The following PTPRG variants were observed in gnomAD, a reference collection of about 807,000 sequenced individuals.
PTPRG encodes the protein protein tyrosine phosphatase receptor type G.
Under a neutral mutation model 165.3 loss-of-function variants are expected in PTPRG, and 102 were observed. That is an observed-to-expected ratio of 0.62 (90% CI 0.53 to 0.73). PTPRG has a LOEUF of 0.73. Ranked by LOEUF, PTPRG falls within the 30% of genes least tolerant of loss-of-function variation. The probability of loss-of-function intolerance (pLI) is 0.00; values close to 1 mark genes in which losing one functional copy is unlikely to be tolerated. For missense variants in PTPRG, 1,866 were observed against 1,861.4 expected (o/e 1.00, Z -0.05); for synonymous variants, 675 against 669.5 (o/e 1.01, Z -0.13).
At chr3:61,908,215 C>T (rs1200052832) in intron 2 of PTPRG, among the ~76,000 whole-genome samples, 1 of 148,838 alleles carries the variant, frequency 6.7e-6, no homozygotes, top group East Asian at 2.0e-4. Flanking sequence ...CACTTGAGGT[C>T]AGGAGTTCGA....
At chr3:61,927,149 C>T (rs1224958271) in intron 2 of PTPRG, among the ~76,000 whole-genome samples, 1 of 152,136 alleles carries the variant, frequency 6.6e-6, no homozygotes, top group African/African-American at 2.4e-5. Context: ...TTGTTCTGTT[C>T]ATTTGATCTT....
chr3:62,003,322 T>C (rs745574653), intron 3 of PTPRG, 27 bp from the exon 4 acceptor site: 1 of 1,591,332 alleles, frequency 6.3e-7, no homozygotes, highest in Non-Finnish European at 8.5e-7. Context: ...CACTTTGTTT[T>C]CCTCTCTTCT....
chr3:62,071,393 T>G (rs571357662), intron 4 of PTPRG, among the ~76,000 whole-genome samples: 11 of 152,272 alleles, frequency 7.2e-5, no homozygotes, highest in Admixed American at 4.6e-4. Flanking sequence ...GGAGCTGACT[T>G]AGGCACACAA....
intron 2 of PTPRG, among the ~76,000 whole-genome samples, chr3:61,828,065 G>A (rs2107281570): frequency 6.6e-6 from 1 of 152,240 alleles, no homozygotes; most frequent in South Asian, 2.1e-4. Flanking sequence ...ACAGTAATTA[G>A]TTTTTGTTTT....
At chr3:61,726,042 G>A (rs1354011873) in intron 1 of PTPRG, among the ~76,000 whole-genome samples, 1 of 152,186 alleles carries the variant, frequency 6.6e-6, no homozygotes, top group Non-Finnish European at 1.5e-5. Flanking sequence ...AGAGCCAGAA[G>A]CTTATGACTG....
At position 62,243,805 on chromosome 3, in the gene PTPRG, A is replaced by G; in HGVS notation, c.2376-2A>G. On this transcript the variant is annotated splice_acceptor_variant, in intron 14 of 29. Coordinates refer to ENST00000474889, the MANE Select transcript of PTPRG (RefSeq NM_002841.4). LOFTEE classifies it high-confidence loss of function. The stretch of plus-strand genomic sequence containing the variant: ...TGACATGTTTTTCTCTTTTCTACAC[A>G]GAAAATGTTTTCAGACTGCTCATTT... 6.4e-7 allele frequency: 1 copy of G among 1,565,860 alleles called. No homozygotes were observed. Among genetic ancestry groups the G allele is most frequent in the Non-Finnish European group, 8.8e-7 (1 of 1,141,008 alleles).
At chr3:62,153,387 G>A (rs1704413114) in intron 6 of PTPRG, among the ~76,000 whole-genome samples, 1 of 152,230 alleles carries the variant, frequency 6.6e-6, no homozygotes, top group African/African-American at 2.4e-5. Flanking sequence ...GATGATGGAA[G>A]TAGCTCAGAG....
chr3:61,590,326 A>G (rs904202955), intron 1 of PTPRG, among the ~76,000 whole-genome samples: 1 of 151,996 alleles, frequency 6.6e-6, no homozygotes, highest in Non-Finnish European at 1.5e-5. Context: ...GTTCAAGACG[A>G]CCCTGGCCAA....
chr3:62,122,606 G>C (rs532621989), intron 5 of PTPRG, among the ~76,000 whole-genome samples: 114 of 152,296 alleles, frequency 7.5e-4, no homozygotes, highest in African/African-American at 2.6e-3. Flanking sequence ...CTTAGGTTCT[G>C]TGCTGCAATT....
chr3:62,050,579 G>C (rs763488867), intron 4 of PTPRG, among the ~76,000 whole-genome samples: 24 of 152,188 alleles, frequency 1.6e-4, no homozygotes, highest in Non-Finnish European at 3.2e-4. Context: ...TTTTAAATAA[G>C]GAAGTTGAGA....
chr3:62,183,957 A>G (rs1481214926), intron 8 of PTPRG, among the ~76,000 whole-genome samples: 1 of 152,202 alleles, frequency 6.6e-6, no homozygotes, highest in Non-Finnish European at 1.5e-5. Context: ...CGGGACGTGT[A>G]TGGGGCAAGT....
At chr3:61,799,755 C>G (rs2035176113) in intron 2 of PTPRG, among the ~76,000 whole-genome samples, 1 of 152,222 alleles carries the variant, frequency 6.6e-6, no homozygotes, top group Non-Finnish European at 1.5e-5. Context: ...CCCCACCATA[C>G]TGTACTCCTT....
chr3:61,705,591 A>G (rs918441828), intron 1 of PTPRG, among the ~76,000 whole-genome samples: 1 of 152,336 alleles, frequency 6.6e-6, no homozygotes, highest in East Asian at 1.9e-4. Context: ...GGAGGTGTAT[A>G]ACTGTGCAAT....
intron 1 of PTPRG, among the ~76,000 whole-genome samples, chr3:61,653,418 A>G (rs1236750053): frequency 6.6e-6 from 1 of 151,792 alleles, no homozygotes; most frequent in Non-Finnish European, 1.5e-5. Flanking sequence ...TAAATGGGCC[A>G]GTGTCTACTT....
intron 2 of PTPRG, among the ~76,000 whole-genome samples, chr3:61,932,425 G>C (rs1422877374): frequency 6.6e-6 from 1 of 152,166 alleles, no homozygotes; most frequent in East Asian, 1.9e-4. Context: ...ACATGTAGGA[G>C]ACTATGAATA....
chr3:61,708,905 C>G (rs1021391646), intron 1 of PTPRG, among the ~76,000 whole-genome samples: 4 of 152,210 alleles, frequency 2.6e-5, no homozygotes, highest in Admixed American at 2.0e-4. Context: ...TTGCCCTAAA[C>G]CAAAATCAAA....
At position 62,286,548 on chromosome 3, in the gene PTPRG, A is replaced by G. The variant is rs375811461; in HGVS notation, c.4055+3679A>G. On this transcript the variant is annotated intron_variant, in intron 28 of 29. Coordinates refer to ENST00000474889, the MANE Select transcript of PTPRG (RefSeq NM_002841.4). ...AATCACAATGTGTTTTAAAATGAAT[A>G]TAGACAGAGCACTTAAAAAAAAACA... is the stretch of plus-strand genomic sequence containing the variant. 5.4e-5 allele frequency among the ~76,000 whole-genome samples: 5 copies of G among 92,610 alleles called. No homozygotes were observed. In the South Asian group the frequency reaches 2.5e-3, roughly 46 times the overall value. The allele number at this position is 92,610 out of a possible 152,430, so 60.8% of individuals were successfully genotyped here.
At position 62,294,810 on chromosome 3, in the gene PTPRG, T is replaced by C. The variant is rs987813120; in HGVS notation, c.*1503T>C. The C allele has an allele frequency of 2.0e-5, 3 of 152,126 alleles. No individual in the cohort carries two copies. The highest frequency in any genetic ancestry group is 2.0e-4 in the Admixed American group (3 of 15,244). 9.4% of individuals were successfully genotyped at this position (152,126 alleles called of 1,614,324 possible). ...GGAAGAATAGGGTTTTATTTACTTT[T>C]TATGTCAATTAACTTCAACAAAAAG... On this transcript the variant is annotated 3_prime_UTR_variant, in exon 30 of 30. Coordinates refer to ENST00000474889, the MANE Select transcript of PTPRG (RefSeq NM_002841.4).
At chr3:61,981,150 G>T (rs1392714680) in intron 2 of PTPRG, among the ~76,000 whole-genome samples, 1 of 152,046 alleles carries the variant, frequency 6.6e-6, no homozygotes, top group African/African-American at 2.4e-5. Context: ...GCCCAGCACA[G>T]GGGGAGACCC....
Sources: allele counts gnomAD v4.1 joint callset (sites outside exome capture counted in the v4.1 genomes callset), GRCh38; gene constraint gnomAD v4.1.1; transcripts MANE v1.5; gene names NCBI Gene and HGNC (gene_info 2026-07-23, HGNC 2026-07-21).